Variants in CADM1 observed in about 807,000 individuals in gnomAD.
CADM1 encodes the protein cell adhesion molecule 1, also known as TSLC-1.
A neutral mutation model predicts 53.1 loss-of-function variants in CADM1; 15 were observed. That is an observed-to-expected ratio of 0.28 (90% confidence interval 0.19 to 0.44). The LOEUF (loss-of-function observed/expected upper bound fraction) is 0.44, where lower values mean the gene tolerates loss of function less well. Among genes scored for constraint, CADM1 ranks in the 20% least tolerant of loss-of-function variants. The probability of loss-of-function intolerance (pLI) is 1.00; values close to 1 mark genes in which losing one functional copy is unlikely to be tolerated. For missense variants in CADM1, 434 were observed against 611.3 expected (o/e 0.71, Z 3.06); for synonymous variants, 281 against 243.0 (o/e 1.16, Z -1.45).
intron 1 of CADM1, among the ~76,000 whole-genome samples, chr11:115,417,192 T>C (rs918085143): frequency 2.0e-5 from 3 of 152,220 alleles, no homozygotes; most frequent in African/African-American, 4.8e-5. Flanking sequence ...CAGTAGCTCA[T>C]TAAACTGTTA....
chr11:115,175,169 C>G lies in CADM1; in HGVS notation c.*1305G>C, dbSNP rs1174620327. ...CGTACATGCTGTTTTTCCACCTCTG[C>G]TCTGACCTATCGAGAACTGAGAGCG... On this transcript the variant is annotated 3_prime_UTR_variant, in exon 12 of 12. Transcript: ENST00000331581. 1 of 985,676 alleles carries G rather than the reference C, an allele frequency of 1.0e-6. No homozygotes were observed. Among genetic ancestry groups the G allele is most frequent in the Non-Finnish European group, 1.2e-6 (1 of 829,912 alleles). 61.1% of individuals were successfully genotyped at this position (985,676 alleles called of 1,614,324 possible). A position where few individuals can be genotyped will look rare whatever the true frequency, so the allele number is the denominator to read the frequency against.
At chr11:115,261,512 C>T (rs1942973076) in intron 1 of CADM1, among the ~76,000 whole-genome samples, 1 of 152,128 alleles carries the variant, frequency 6.6e-6, no homozygotes, top group South Asian at 2.1e-4. Context: ...TTAGTGTATT[C>T]CTTTTTCATT....
intron 1 of CADM1, among the ~76,000 whole-genome samples, chr11:115,250,706 G>A (rs976607505): frequency 5.9e-5 from 9 of 152,112 alleles, no homozygotes; most frequent in Non-Finnish European, 8.8e-5. Flanking sequence ...TATGCAAGGC[G>A]CTATGCTTCT....
At position 115,175,108 on chromosome 11, in the gene CADM1, A is replaced by C. The variant is rs1356536253; in HGVS notation, c.*1366T>G. On this transcript the variant is annotated 3_prime_UTR_variant, in exon 12 of 12. Coordinates refer to ENST00000331581, the MANE Select transcript of CADM1 (RefSeq NM_001301043.2). ...GTATGAAAGGTAAAAAGATAAAAACACTCACATTTGAGTTTTGATTAAGTA... is the reference window on the plus strand; with the variant it reads ...GTATGAAAGGTAAAAAGATAAAAACCCTCACATTTGAGTTTTGATTAAGTA... 172 of 985,756 alleles carry C rather than the reference A, an allele frequency of 1.7e-4. 5 individuals are homozygous for C. Among genetic ancestry groups the C allele is most frequent in the Non-Finnish European group, 1.2e-6 (1 of 829,926 alleles). The allele number at this position is 985,756 out of a possible 1,614,324, so 61.1% of individuals were successfully genotyped here.
chr11:115,445,032 A>G (rs1213600256), intron 1 of CADM1, among the ~76,000 whole-genome samples: 1 of 152,214 alleles, frequency 6.6e-6, no homozygotes, highest in Non-Finnish European at 1.5e-5. Context: ...CAAAACATAA[A>G]AAATATGTGT....
intron 1 of CADM1, among the ~76,000 whole-genome samples, chr11:115,275,984 C>T (rs1943433837): frequency 1.3e-5 from 2 of 152,068 alleles, no homozygotes; most frequent in East Asian, 1.9e-4. Context: ...TTAGTTATTA[C>T]CATTACTTGT....
chr11:115,240,545 C>T (rs908737363), intron 1 of CADM1, 125 bp from the exon 2 acceptor site: 3 of 935,928 alleles, frequency 3.2e-6, no homozygotes, highest in Non-Finnish European at 5.0e-6. Context: ...TTTAGCATGG[C>T]TCTAATACCT....
intron 10 of CADM1, among the ~76,000 whole-genome samples, chr11:115,184,572 CTTTCT>C (rs1252389492): frequency 1.3e-5 from 2 of 152,142 alleles, no homozygotes; most frequent in Non-Finnish European, 2.9e-5. Flanking sequence ...GCAGCATAAC[CTTTCT>C]TTTCTGTCTT....
intron 1 of CADM1, among the ~76,000 whole-genome samples, chr11:115,310,076 T>G (rs1944490118): frequency 6.6e-6 from 1 of 152,180 alleles, no homozygotes; most frequent in Non-Finnish European, 1.5e-5. Flanking sequence ...CCTAAATGTT[T>G]ATTTTTATTC....
At chr11:115,204,407 C>T (rs970432802) in intron 8 of CADM1, among the ~76,000 whole-genome samples, 2 of 152,164 alleles carry the variant, frequency 1.3e-5, no homozygotes, top group Non-Finnish European at 2.9e-5. Context: ...AACCTGTTCT[C>T]GCAACCACAT....
intron 1 of CADM1, among the ~76,000 whole-genome samples, chr11:115,433,132 C>G (rs771520060): frequency 5.9e-5 from 9 of 152,176 alleles, no homozygotes; most frequent in East Asian, 3.8e-4. Context: ...ACCACCCCCC[C>G]ACCCAAACAT....
At position 115,301,059 on chromosome 11, in the gene CADM1, CTGAG is replaced by C. The variant is rs58390044; in HGVS notation, c.125-60643_125-60640del. Among the ~76,000 whole-genome samples the C allele has an allele frequency of 1.3e-3, 196 of 152,122 alleles. 1 individual carries two copies. In the East Asian group the frequency reaches 0.03, roughly 23 times the overall value. ...TCTCTTGTACTTCAGGGGATTTACA[CTGAG>C]TGAGGGCAGGAGAATCCCTAGTCTA... is the stretch of plus-strand genomic sequence containing the variant. On this transcript the variant is annotated intron_variant, in intron 1 of 11. Transcript: ENST00000331581.
At chr11:115,321,567 C>T (rs1358382041) in intron 1 of CADM1, among the ~76,000 whole-genome samples, 1 of 152,178 alleles carries the variant, frequency 6.6e-6, no homozygotes, top group African/African-American at 2.4e-5. Flanking sequence ...TCTTCATATA[C>T]TTTATTTGCA....
chr11:115,290,048 G>A (rs1272086153), intron 1 of CADM1, among the ~76,000 whole-genome samples: 4 of 152,152 alleles, frequency 2.6e-5, no homozygotes, highest in African/African-American at 9.7e-5. Context: ...TAGATTCCAC[G>A]AGCGCCACAG....
chr11:115,328,798 A>C (rs1945055482), intron 1 of CADM1, among the ~76,000 whole-genome samples: 1 of 126,726 alleles, frequency 7.9e-6, no homozygotes, highest in Non-Finnish European at 1.8e-5. Context: ...GGGCTAAAAA[A>C]GTCCCTAAGA....
chr11:115,170,472 G>T lies in CADM1; in HGVS notation c.*6002C>A, dbSNP rs146093394. 1 of 152,124 alleles carries T rather than the reference G, an allele frequency of 6.6e-6. No individual in the cohort carries two copies. The highest frequency in any genetic ancestry group is 1.9e-4 in the East Asian group (1 of 5,170). 9.4% of individuals were successfully genotyped at this position (152,124 alleles called of 1,614,324 possible). ...AAAAAATAAATAAAAACATAAAAATGAAACAAAGTTTCCTGTGTACTGAAG... is the reference window on the plus strand; with the variant it reads ...AAAAAATAAATAAAAACATAAAAATTAAACAAAGTTTCCTGTGTACTGAAG... On this transcript the variant is annotated 3_prime_UTR_variant, in exon 12 of 12. Transcript: ENST00000331581.
intron 1 of CADM1, among the ~76,000 whole-genome samples, chr11:115,372,935 T>C (rs1946344510): frequency 6.6e-6 from 1 of 152,222 alleles, no homozygotes; most frequent in Non-Finnish European, 1.5e-5. Flanking sequence ...AATTCAGGTA[T>C]GCACCTGTTA....
At chr11:115,273,757 C>T (rs1364433561) in intron 1 of CADM1, among the ~76,000 whole-genome samples, 1 of 152,172 alleles carries the variant, frequency 6.6e-6, no homozygotes, top group Non-Finnish European at 1.5e-5. Flanking sequence ...GTGTGTATCA[C>T]ACTATAAATG....
chr11:115,446,260 G>T (rs1948449107), intron 1 of CADM1, among the ~76,000 whole-genome samples: 1 of 152,164 alleles, frequency 6.6e-6, no homozygotes, highest in African/African-American at 2.4e-5. Context: ...CAAAGGAAAA[G>T]GCTAAGACAC....
Sources: allele counts gnomAD v4.1 joint callset (sites outside exome capture counted in the v4.1 genomes callset), GRCh38; gene constraint gnomAD v4.1.1; transcripts MANE v1.5; gene names NCBI Gene and HGNC (gene_info 2026-07-23, HGNC 2026-07-21).